The following EYS variants were observed in gnomAD, a reference collection of about 807,000 sequenced individuals.
EYS encodes the protein protein eyes shut homolog.
EYS carries 250 observed loss-of-function variants against 282.1 expected under a neutral mutation model. The observed-to-expected ratio is 0.89, with a 90% CI of 0.80 to 0.98. The LOEUF (loss-of-function observed/expected upper bound fraction) is 0.98. EYS is among the 50% of genes least tolerant of loss of function. The pLI is 0.00. For synonymous variants in EYS, 1,355 were observed against 1,282.9 expected, an observed-to-expected ratio of 1.06 and a Z score of -1.20; for missense variants, 4,016 against 3,709.0, an observed-to-expected ratio of 1.08 and a Z score of -2.15.
chr6:65,559,713 A>G (rs1379985331), intron 2 of EYS, among the ~76,000 whole-genome samples: 2 of 152,076 alleles, frequency 1.3e-5, no homozygotes, highest in Non-Finnish European at 2.9e-5. Flanking sequence ...TACCATGTTT[A>G]ATTATTTCAT....
chr6:64,980,190 AT>A (rs2150116077), intron 14 of EYS, among the ~76,000 whole-genome samples: 1 of 151,674 alleles, frequency 6.6e-6, no homozygotes, highest in African/African-American at 2.4e-5. Flanking sequence ...GGCAATGCAA[AT>A]TTTATTGTTA....
At chr6:65,046,291 G>A (rs1034814256) in intron 13 of EYS, among the ~76,000 whole-genome samples, 2 of 151,828 alleles carry the variant, frequency 1.3e-5, no homozygotes, top group Admixed American at 6.6e-5. Context: ...GACTCTTCCA[G>A]GGAAAAGAGA....
At chr6:65,007,881 G>C (rs1045110430) in intron 13 of EYS, among the ~76,000 whole-genome samples, 4 of 152,276 alleles carry the variant, frequency 2.6e-5, no homozygotes, top group Non-Finnish European at 5.9e-5. Flanking sequence ...AAGAGTTAGG[G>C]CAATCCTTTG....
chr6:65,360,323 T>A (rs1397833926), intron 8 of EYS, among the ~76,000 whole-genome samples: 2 of 151,962 alleles, frequency 1.3e-5, no homozygotes, highest in Non-Finnish European at 2.9e-5. Context: ...AGTCAAAACC[T>A]TCTATGGAAA....
chr6:64,705,723 A>G (rs9354044), intron 22 of EYS, among the ~76,000 whole-genome samples: 101,121 of 149,030 alleles, frequency 0.68, 35,340 homozygotes, highest in Middle Eastern at 0.77. Context: ...AAACTATCGC[A>G]AGAACAAAAA....
At chr6:65,148,054 A>C (rs1764520721) in intron 12 of EYS, among the ~76,000 whole-genome samples, 1 of 152,048 alleles carries the variant, frequency 6.6e-6, no homozygotes, top group African/African-American at 2.4e-5. Flanking sequence ...ATTCAAGATG[A>C]GATTCGGGTG....
At chr6:63,735,920 C>T (rs966450888) in intron 41 of EYS, among the ~76,000 whole-genome samples, 18 of 152,092 alleles carry the variant, frequency 1.2e-4, no homozygotes, top group East Asian at 1.9e-4. Context: ...TGTGTCTGCA[C>T]GATCGATTCA....
intron 1 of EYS, among the ~76,000 whole-genome samples, chr6:65,696,590 A>C (rs1337366763): frequency 3.9e-5 from 6 of 151,982 alleles, no homozygotes; most frequent in Non-Finnish European, 7.4e-5. Flanking sequence ...TGGAAAATAT[A>C]GGGGAAGCTA....
intron 26 of EYS, among the ~76,000 whole-genome samples, chr6:64,492,464 G>GTT (rs139687395): frequency 7.8e-4 from 118 of 150,710 alleles, no homozygotes; most frequent in African/African-American, 2.7e-3. Flanking sequence ...TGCTGGTCCT[G>GTT]TTTTTTTGTT....
chr6:65,299,468 T>C (rs1292177474), intron 11 of EYS, among the ~76,000 whole-genome samples: 58 of 152,150 alleles, frequency 3.8e-4, no homozygotes. Flanking sequence ...GAAAGCTCAT[T>C]GGGATGTTCT....
chr6:64,841,349 T>G (rs965824582), intron 19 of EYS, among the ~76,000 whole-genome samples: 1 of 152,296 alleles, frequency 6.6e-6, no homozygotes, highest in East Asian at 1.9e-4. Context: ...TATTTAACTC[T>G]ATTACTGTAT....
chr6:64,627,467 T>C (rs1562099186), intron 22 of EYS, among the ~76,000 whole-genome samples: 1 of 152,202 alleles, frequency 6.6e-6, no homozygotes, highest in Non-Finnish European at 1.5e-5. Flanking sequence ...CATTATACAG[T>C]ATTGGATCAT....
intron 22 of EYS, among the ~76,000 whole-genome samples, chr6:64,714,516 C>CTTTTTTTTTTTTTTT (rs55730437): frequency 7.8e-6 from 1 of 127,916 alleles, no homozygotes; most frequent in African/African-American, 3.0e-5. Flanking sequence ...TTCTTTCTTT[C>CTTTTTTTTTTTTTTT]TTTTTTTTTT....
chr6:65,424,355 C>A (rs1053378483), intron 5 of EYS, among the ~76,000 whole-genome samples: 6 of 151,918 alleles, frequency 3.9e-5, no homozygotes, highest in African/African-American at 7.2e-5. Flanking sequence ...TAGTCTTACT[C>A]TCCACAAAAA....
intron 23 of EYS, among the ~76,000 whole-genome samples, chr6:64,625,290 T>C (rs774417282): frequency 3.3e-5 from 5 of 152,178 alleles, no homozygotes; most frequent in Non-Finnish European, 7.4e-5. Flanking sequence ...AAGGTAGAGA[T>C]GGCCAAAAAG....
chr6:64,208,832 G>T (rs1380717077), intron 31 of EYS, among the ~76,000 whole-genome samples: 1 of 152,026 alleles, frequency 6.6e-6, no homozygotes, highest in Non-Finnish European at 1.5e-5. Context: ...ATCAAAACTG[G>T]AGAAAGATTC....
chr6:65,351,001 G>A (rs909538903), intron 9 of EYS, among the ~76,000 whole-genome samples: 1 of 151,420 alleles, frequency 6.6e-6, no homozygotes, highest in Admixed American at 6.6e-5. Context: ...TATTTCGTGA[G>A]GAAGAAGTAA....
intron 26 of EYS, among the ~76,000 whole-genome samples, chr6:64,455,986 C>A (rs1008583128): frequency 1.3e-5 from 2 of 152,162 alleles, no homozygotes; most frequent in South Asian, 2.1e-4. Flanking sequence ...ATGGTATGTA[C>A]ACATATGAAT....
chr6:64,095,402 G>C (rs1582261451), intron 31 of EYS, among the ~76,000 whole-genome samples: 2 of 152,106 alleles, frequency 1.3e-5, no homozygotes, highest in African/African-American at 4.8e-5. Context: ...TCTCTTTGTA[G>C]GTCTCTAAGG....
Sources: gnomAD v4.1 joint callset for allele counts (sites outside exome capture counted in the v4.1 genomes callset) on GRCh38, gnomAD v4.1.1 for gene constraint, MANE v1.5 for transcripts, NCBI Gene and HGNC (gene_info 2026-07-23, HGNC 2026-07-21) for gene names.